Variants in MAP7 observed in about 807,000 individuals in gnomAD.
MAP7 encodes the protein ensconsin.
In MAP7, 52 loss-of-function variants were observed where a neutral mutation model predicts 94.8. That is an observed-to-expected ratio of 0.55 (90% CI 0.44 to 0.69). MAP7 has a LOEUF of 0.69. Among genes scored for constraint, MAP7 ranks in the 30% least tolerant of loss-of-function variants. The pLI is 0.00. For synonymous variants in MAP7, 350 were observed against 357.0 expected (o/e 0.98, Z 0.22); for missense variants, 940 against 964.6 (o/e 0.97, Z 0.34).
chr6:136,521,690 T>A (rs1325816323), intron 1 of MAP7, among the ~76,000 whole-genome samples: 1 of 152,172 alleles, frequency 6.6e-6, no homozygotes, highest in Non-Finnish European at 1.5e-5. Context: ...TGTGTGGATG[T>A]CTTGCTTCTA....
chr6:136,498,301 T>C (rs576376467), intron 1 of MAP7, among the ~76,000 whole-genome samples: 1 of 152,134 alleles, frequency 6.6e-6, no homozygotes, highest in Non-Finnish European at 1.5e-5. Flanking sequence ...ATCATCAGCA[T>C]GATGATAGGA....
At chr6:136,361,239 A>G in intron 11 of MAP7, 60 bp from the exon 12 acceptor site, 2 of 1,574,660 alleles carry the variant, frequency 1.3e-6, no homozygotes, top group Non-Finnish European at 1.7e-6. Flanking sequence ...CTTTGAAGAG[A>G]GGCCTCCGTC....
In MAP7 at chr6:136,356,857, C is replaced by T. The variant is rs1313835700; in HGVS notation, c.1913-63G>A. 6 of 1,324,552 alleles carry T rather than the reference C, an allele frequency of 4.5e-6. No individual in the cohort carries two copies. The African/African-American group carries it at 8.6e-5, about 19-fold the overall frequency. The allele number at this position is 1,324,552 out of a possible 1,614,324, so 82.0% of individuals were successfully genotyped here. On this transcript the variant is annotated intron_variant, in intron 15 of 17. Transcript: ENST00000354570. ...ATATTCTTTTCTTAGACCTAACCTC[C>T]AAGAGCCAGAATGCCTTGATTTATG...
Position 136,360,741 on chromosome 6 carries a change from T to A in MAP7, c.1759A>T (p.Lys587Ter). 1 of 1,614,180 alleles carries A rather than the reference T, an allele frequency of 6.2e-7. No homozygotes were observed. Among genetic ancestry groups the A allele is most frequent in the Non-Finnish European group, 8.5e-7 (1 of 1,180,036 alleles). The stretch of plus-strand genomic sequence containing the variant: ...TCTTGCTCTTCTCTCTGGAAATGCT[T>A]CTCTCGTTCCTGCCGGACCCTCTCT... ...EAERVRQERE[K>*]HFQREEQERL... The change falls in exon 13 of 18, where the codon AAG (lysine) becomes TAG (stop). Residue 587 changes from lysine to a stop codon, truncating the protein, a stop_gained. Transcript: ENST00000354570. LOFTEE classifies it high-confidence loss of function.
At chr6:136,399,882 G>T (rs1040560525) in intron 3 of MAP7, among the ~76,000 whole-genome samples, 1 of 152,116 alleles carries the variant, frequency 6.6e-6, no homozygotes, top group African/African-American at 2.4e-5. Context: ...TCTAAAGATG[G>T]AAAAGTAAAA....
intron 7 of MAP7, 86 bp downstream of exon 7, chr6:136,377,669 T>C: frequency 2.0e-6 from 2 of 1,005,780 alleles, no homozygotes; most frequent in Admixed American, 1.8e-5. Context: ...AAGCGCATTT[T>C]AGGAAAAAGT....
At position 136,361,115 on chromosome 6, in the gene MAP7, A is replaced by T. The variant is rs759097670; in HGVS notation, c.1591T>A (p.Ser531Thr). ...GCCTGCTCGGCTTCCAGCCTGCGCG[A>T]CTCCTCCTCACGGCGAGTCGTCCTC... ...EERTTRREEE[S>T]RRLEAEQARE... Residue 531 changes from serine (S) to threonine (T), a missense_variant, in exon 12 of 18, where the codon TCG becomes ACG. Ser to Thr is a moderately conservative substitution (Grantham distance 58, BLOSUM62 1). Transcript: ENST00000354570. 6.2e-7 allele frequency: 1 copy of T among 1,604,750 alleles called. No homozygotes were observed. Among genetic ancestry groups the T allele is most frequent in the Non-Finnish European group, 8.5e-7 (1 of 1,179,708 alleles).
chr6:136,471,767 A>G (rs1809101216), intron 1 of MAP7, among the ~76,000 whole-genome samples: 1 of 152,144 alleles, frequency 6.6e-6, no homozygotes, highest in African/African-American at 2.4e-5. Context: ...AGACAAAACT[A>G]TAACAAAAGA....
At chr6:136,537,144 T>C (rs569629028) in intron 1 of MAP7, among the ~76,000 whole-genome samples, 1 of 148,734 alleles carries the variant, frequency 6.7e-6, no homozygotes, top group East Asian at 2.0e-4. Flanking sequence ...ACTTTCTCTT[T>C]CTTTTTTTTT....
At chr6:136,448,053 G>C (rs1391097238) in intron 1 of MAP7, among the ~76,000 whole-genome samples, 2 of 152,010 alleles carry the variant, frequency 1.3e-5, no homozygotes, top group Non-Finnish European at 2.9e-5. Context: ...TTAGCTGGGC[G>C]TGGTGGCACC....
intron 3 of MAP7, among the ~76,000 whole-genome samples, chr6:136,391,673 CAAA>C (rs60810064): frequency 1.3e-4 from 19 of 144,010 alleles, no homozygotes; most frequent in African/African-American, 4.6e-4. Context: ...AACTATTATT[CAAA>C]AAAAAAAAAG....
chr6:136,486,273 C>T (rs917378894), intron 1 of MAP7, among the ~76,000 whole-genome samples: 3 of 152,096 alleles, frequency 2.0e-5, no homozygotes, highest in African/African-American at 7.2e-5. Context: ...ACATTATGTG[C>T]CCGGCAAAAT....
At chr6:136,432,908 T>C (rs1477092809) in intron 1 of MAP7, among the ~76,000 whole-genome samples, 1 of 152,154 alleles carries the variant, frequency 6.6e-6, no homozygotes, top group South Asian at 2.1e-4. Flanking sequence ...GGAAGTGTTT[T>C]TATTTATTTA....
intron 1 of MAP7, among the ~76,000 whole-genome samples, chr6:136,456,822 G>GAAGAAGGAGGAA (rs1554259490): frequency 1.4e-5 from 1 of 69,024 alleles, no homozygotes; most frequent in African/African-American, 6.4e-5. Context: ...AGAAGAAGAA[G>GAAGAAGGAGGAA]GAAGAAGAAG....
chr6:136,407,930 A>G (rs1265982566), intron 3 of MAP7, among the ~76,000 whole-genome samples: 1 of 152,258 alleles, frequency 6.6e-6, no homozygotes, highest in Non-Finnish European at 1.5e-5. Flanking sequence ...CACAGAAATT[A>G]CCAGGATGAG....
At chr6:136,418,451 G>A (rs866968350) in intron 2 of MAP7, among the ~76,000 whole-genome samples, 2 of 152,318 alleles carry the variant, frequency 1.3e-5, no homozygotes, top group South Asian at 2.1e-4. Context: ...CTGGCCTCAG[G>A]AGATCCACCC....
rs146212163 is a variant in MAP7, at chr6:136,345,565, T to C, written c.2239+291A>G. On this transcript the variant is annotated intron_variant, in intron 17 of 17. Coordinates refer to ENST00000354570, the MANE Select transcript of MAP7 (RefSeq NM_003980.6). ...CTACAAAGCATATTCTGAGCATGCA[T>C]GATGTCGGGTAATGGGTGCTGCTCT... Among the ~76,000 whole-genome samples the C allele has an allele frequency of 8.4e-3, 1,284 of 152,290 alleles. 5 individuals are homozygous for C. Among genetic ancestry groups the C allele is most frequent in the Non-Finnish European group, 0.013 (874 of 68,006 alleles).
intron 1 of MAP7, among the ~76,000 whole-genome samples, chr6:136,468,774 G>A (rs988092497): frequency 6.6e-6 from 1 of 152,158 alleles, no homozygotes; most frequent in African/African-American, 2.4e-5. Context: ...AAACTCTTAA[G>A]TCGGGACCTG....
rs1212862313 is a variant in MAP7, at chr6:136,389,417, C to T, written c.345G>A (p.Gln115=). 1 of 1,596,058 alleles carries T rather than the reference C, an allele frequency of 6.3e-7. No homozygotes were observed. Residue 115 remains glutamine (Q), a synonymous_variant, in exon 4 of 18, where the codon CAG becomes CAA. Transcript: ENST00000354570. ...CAGCAGCCCTCCTCCGCTCCTCCTT[C>T]TGCCTCTGCTCCTCCAACCTCTTCT... ...ERKKRLEEQR[Q]KEERRRAAVE... is the part of the protein sequence containing the mutation.
Sources: allele counts gnomAD v4.1 joint callset (sites outside exome capture counted in the v4.1 genomes callset), GRCh38; gene constraint gnomAD v4.1.1; transcripts MANE v1.5; gene names NCBI Gene and HGNC (gene_info 2026-07-23, HGNC 2026-07-21).